Variants in ABCA4 observed in about 807,000 individuals in gnomAD.
ABCA4 encodes the protein retinal-specific phospholipid-transporting ATPase ABCA4.
A neutral mutation model predicts 263.7 loss-of-function variants in ABCA4; 196 were observed. That is an observed-to-expected ratio of 0.74 (90% confidence interval 0.66 to 0.84). ABCA4 has a LOEUF of 0.84. Ranked by LOEUF, ABCA4 falls within the 40% of genes least tolerant of loss-of-function variation. The probability of loss-of-function intolerance (pLI) is 0.00; values close to 1 mark genes in which losing one functional copy is unlikely to be tolerated. For synonymous variants in ABCA4, 1,133 were observed against 1,094.2 expected (o/e 1.04, Z -0.70); for missense variants, 2,792 against 2,855.1 (o/e 0.98, Z 0.50).
intron 6 of ABCA4, among the ~76,000 whole-genome samples, chr1:94,098,228 A>G (rs1042226051): frequency 2.6e-5 from 4 of 152,306 alleles, no homozygotes; most frequent in African/African-American, 9.6e-5. Flanking sequence ...AGGGCTTTCC[A>G]AATTTTTGAG....
intron 36 of ABCA4, 104 bp downstream of exon 36, chr1:94,019,477 TG>T: frequency 7.5e-7 from 1 of 1,331,964 alleles, no homozygotes; most frequent in Non-Finnish European, 1.0e-6. Flanking sequence ...TCAGCAGCCC[TG>T]GCACCGTGAG....
In ABCA4 at chr1:94,029,456, G is replaced by A. The variant is rs780343543; in HGVS notation, c.4528C>T (p.Pro1510Ser). The change falls in exon 30 of 50, where the codon CCG (proline) becomes TCG (serine). Residue 1510 changes from proline (P) to serine (S), a missense_variant. Pro to Ser is a moderately conservative substitution (Grantham distance 74). Transcript: ENST00000370225. Reference protein sequence around the residue: ...PECPEGAGGLPPPQRTQRSTE... With the variant: ...PECPEGAGGLSPPQRTQRSTE... ...TGGAGGTCAGGTACCTGGGGGGGCG[G>A]GAGGCCCCCGGCACCCTCGGGGCAC... 1 of 1,554,640 alleles carries A rather than the reference G, an allele frequency of 6.4e-7. No individual in the cohort carries two copies. Among genetic ancestry groups the A allele is most frequent in the South Asian group, 1.2e-5 (1 of 84,754 alleles).
chr1:94,074,218 A>G (rs990087535), intron 11 of ABCA4, among the ~76,000 whole-genome samples: 1 of 152,216 alleles, frequency 6.6e-6, no homozygotes, highest in Non-Finnish European at 1.5e-5. Flanking sequence ...CCACACATCT[A>G]CAACCACCTG....
At chr1:94,107,931 C>T (rs1378661461) in intron 4 of ABCA4, among the ~76,000 whole-genome samples, 1 of 152,024 alleles carries the variant, frequency 6.6e-6, no homozygotes, top group Non-Finnish European at 1.5e-5. Flanking sequence ...CATTTCCGTG[C>T]TCATCTGCCT....
intron 12 of ABCA4, 95 bp from the exon 13 acceptor site, chr1:94,062,848 A>T (rs1661169486): frequency 6.6e-6 from 9 of 1,371,890 alleles, no homozygotes; most frequent in Non-Finnish European, 9.1e-6. Context: ...ATTCTCTTAA[A>T]ATCTTTCTCC....
Position 94,021,966 on chromosome 1 carries a change from G to T in ABCA4, c.4668-15C>A, listed in dbSNP as rs61754054. 3 of 1,611,722 alleles carry T rather than the reference G, an allele frequency of 1.9e-6. No homozygotes were observed. Among genetic ancestry groups the T allele is most frequent in the African/African-American group, 2.7e-5 (2 of 74,852 alleles). On this transcript the variant is annotated splice_polypyrimidine_tract_variant and intron_variant, in intron 32 of 49. Coordinates refer to ENST00000370225, the MANE Select transcript of ABCA4 (RefSeq NM_000350.3). ...TTCCTCCATACCTGACAAGGAAACA[G>T]GAAATCCTCAGACCAGGGCCACGAA...
intron 29 of ABCA4, 27 bp from the exon 30 acceptor site, chr1:94,029,658 T>A: frequency 6.2e-7 from 1 of 1,603,314 alleles, no homozygotes; most frequent in Non-Finnish European, 8.5e-7. Context: ...AAATATTCCA[T>A]AATCAGCCTC....
At chr1:94,000,248 C>T (rs1004124227) in intron 47 of ABCA4, among the ~76,000 whole-genome samples, 2 of 152,192 alleles carry the variant, frequency 1.3e-5, no homozygotes, top group African/African-American at 4.8e-5. Context: ...CGGCAATATG[C>T]TGATAATCTT....
At chr1:94,029,268 G>A (rs1001504613) in intron 30 of ABCA4, among the ~76,000 whole-genome samples, 177 bp downstream of exon 30, 4 of 152,126 alleles carry the variant, frequency 2.6e-5, no homozygotes, top group African/African-American at 7.2e-5. Flanking sequence ...CCTCCAGTTG[G>A]CAGCCACAGC....
At chr1:94,008,689 T>A in intron 41 of ABCA4, 62 bp downstream of exon 41, 1 of 1,611,642 alleles carries the variant, frequency 6.2e-7, no homozygotes, top group African/African-American at 1.3e-5. Flanking sequence ...AGAAGGAAAA[T>A]GGCAACATCA....
At chr1:94,106,771 T>G (rs1406826991) in intron 4 of ABCA4, among the ~76,000 whole-genome samples, 1 of 152,180 alleles carries the variant, frequency 6.6e-6, no homozygotes, top group African/African-American at 2.4e-5. Flanking sequence ...AGAGAGGGCT[T>G]CAGAAGGTGG....
At chr1:94,071,501 G>A (rs888055879) in intron 11 of ABCA4, among the ~76,000 whole-genome samples, 1 of 152,204 alleles carries the variant, frequency 6.6e-6, no homozygotes, top group African/African-American at 2.4e-5. Flanking sequence ...GAGCCAGGCA[G>A]CTCTGGATTA....
In ABCA4 at chr1:94,005,430, A is replaced by G; in HGVS notation, c.6147+11T>C. On this transcript the variant is annotated intron_variant, in intron 44 of 49. Coordinates refer to ENST00000370225, the MANE Select transcript of ABCA4 (RefSeq NM_000350.3). ...CAGACTCCTATGTGGCCACAACAAA[A>G]CATTTTTCACCTTTTCGATTTCTTC... is the stretch of plus-strand genomic sequence containing the variant. The G allele has an allele frequency of 6.2e-7, 1 of 1,614,110 alleles. No individual in the cohort carries two copies. Among genetic ancestry groups the G allele is most frequent in the Non-Finnish European group, 8.5e-7 (1 of 1,180,004 alleles).
chr1:94,014,816 G>T (rs1659678316), intron 37 of ABCA4, 126 bp from the exon 38 acceptor site: 5 of 1,202,640 alleles, frequency 4.2e-6, no homozygotes, highest in Non-Finnish European at 6.1e-6. Flanking sequence ...AGTCCCAGGG[G>T]ACCAGAGAGA....
chr1:94,024,729 AAAAC>A lies in ABCA4; in HGVS notation c.4634+221_4634+224del, dbSNP rs567621680. Reference sequence around the variant, plus strand: ...TTTAAGACTGCTTGCCCTAAATGTAAAAACAAACAAACAAACAACAAAAAAAGAA... The same window carrying A: ...TTTAAGACTGCTTGCCCTAAATGTAAAAACAAACAAACAACAAAAAAAGAA... On this transcript the variant is annotated intron_variant, in intron 31 of 49. Transcript: ENST00000370225. Among the ~76,000 whole-genome samples the A allele has an allele frequency of 1.4e-3, 210 of 152,310 alleles. 1 individual carries two copies. The highest frequency in any genetic ancestry group is 4.6e-3 in the African/African-American group (193 of 41,556).
Position 94,031,783 on chromosome 1 carries a change from C to T in ABCA4, c.4123G>A (p.Ala1375Thr). 2 of 1,613,652 alleles carry T rather than the reference C, an allele frequency of 1.2e-6. No individual in the cohort carries two copies. Among genetic ancestry groups the T allele is most frequent in the Non-Finnish European group, 1.7e-6 (2 of 1,180,038 alleles). The change falls in exon 27 of 50, where the codon GCG becomes ACG. Residue 1375 changes from alanine to threonine, a missense_variant. By Grantham distance (58) the Ala-to-Thr change is moderately conservative. Transcript: ENST00000370225. ...ACACCGACCGACAATAGTACCTGCG[C>T]CAGGAAGTCCTTGTGGCTGCGGATG... Reference protein sequence around the residue: ...HTIRSHKDFLAQIVLPATFVF... With the variant: ...HTIRSHKDFLTQIVLPATFVF...
At chr1:94,056,487 C>G in intron 15 of ABCA4, 114 bp downstream of exon 15, 1 of 1,188,626 alleles carries the variant, frequency 8.4e-7, no homozygotes, top group Non-Finnish European at 1.2e-6. Context: ...AACTTTTTAA[C>G]CTTAGGTCAA....
At chr1:94,111,921 G>A (rs1402685712) in intron 2 of ABCA4, among the ~76,000 whole-genome samples, 3 of 152,248 alleles carry the variant, frequency 2.0e-5, no homozygotes, top group South Asian at 4.1e-4. Flanking sequence ...TGCTGCTGCT[G>A]CTTGAGCAGA....
chr1:94,013,162 C>T (rs1659599648), intron 38 of ABCA4, among the ~76,000 whole-genome samples: 1 of 152,208 alleles, frequency 6.6e-6, no homozygotes, highest in East Asian at 1.9e-4. Flanking sequence ...CACAGCTCTG[C>T]AAAGCAGCAC....
Sources: gnomAD v4.1 joint callset for allele counts (sites outside exome capture counted in the v4.1 genomes callset) on GRCh38, gnomAD v4.1.1 for gene constraint, MANE v1.5 for transcripts, NCBI Gene and HGNC (gene_info 2026-07-23, HGNC 2026-07-21) for gene names.